The following CRTC1 variants were observed in gnomAD, a reference collection of about 807,000 sequenced individuals.
CRTC1 encodes CREB regulated transcription coactivator 1.
In CRTC1, 18 loss-of-function variants were observed where a neutral mutation model predicts 66.1. That is an observed-to-expected ratio of 0.27 (90% confidence interval 0.19 to 0.40). The LOEUF is 0.40. Among genes scored for constraint, CRTC1 ranks in the 10% least tolerant of loss-of-function variants. The pLI is 1.00. For missense variants in CRTC1, 669 were observed against 887.9 expected (o/e 0.75, Z 3.13); for synonymous variants, 416 against 398.8 (o/e 1.04, Z -0.51).
intron 6 of CRTC1, 59 bp from the exon 7 acceptor site, chr19:18,759,492 A>T: frequency 6.4e-7 from 1 of 1,571,042 alleles, no homozygotes; most frequent in Non-Finnish European, 8.7e-7. Flanking sequence ...CCCAGTGCCC[A>T]GGAGGAGGGC....
At chr19:18,689,323 G>A (rs1361401209) in intron 1 of CRTC1, among the ~76,000 whole-genome samples, 2 of 151,146 alleles carry the variant, frequency 1.3e-5, no homozygotes, top group East Asian at 2.0e-4. Flanking sequence ...ACAGTGAGGC[G>A]AATCCTGCAC....
At chr19:18,700,249 A>G (rs2145525988) in intron 1 of CRTC1, among the ~76,000 whole-genome samples, 1 of 152,268 alleles carries the variant, frequency 6.6e-6, no homozygotes, top group East Asian at 1.9e-4. Flanking sequence ...GGTGAGGCCC[A>G]GAGGGGCTGA....
intron 1 of CRTC1, among the ~76,000 whole-genome samples, chr19:18,698,015 C>A (rs2053034078): frequency 6.6e-6 from 1 of 151,454 alleles, no homozygotes; most frequent in Non-Finnish European, 1.5e-5. Context: ...AGCAGGCTTA[C>A]AGTGTGTGTT....
intron 3 of CRTC1, 116 bp downstream of exon 3, chr19:18,746,076 A>G: frequency 7.3e-7 from 1 of 1,377,970 alleles, no homozygotes; most frequent in Non-Finnish European, 9.8e-7. Flanking sequence ...TGGGGACAGA[A>G]TCAGGGCAGC....
intron 1 of CRTC1, among the ~76,000 whole-genome samples, chr19:18,696,998 G>C (rs2053005282): frequency 6.6e-6 from 1 of 152,042 alleles, no homozygotes; most frequent in South Asian, 2.1e-4. Context: ...CTTTATTTCT[G>C]GTTGGGGTAT....
intron 1 of CRTC1, among the ~76,000 whole-genome samples, chr19:18,719,075 C>T (rs2053567410): frequency 6.6e-6 from 1 of 152,092 alleles, no homozygotes; most frequent in Non-Finnish European, 1.5e-5. Flanking sequence ...AGGGGGCTGA[C>T]GATGGGCCCT....
intron 1 of CRTC1, among the ~76,000 whole-genome samples, chr19:18,720,364 T>C (rs2053597485): frequency 6.6e-6 from 1 of 151,256 alleles, no homozygotes; most frequent in South Asian, 2.1e-4. Flanking sequence ...TCTTTTTCTT[T>C]TTTTTGAGAC....
At chr19:18,728,363 T>C (rs974088172) in intron 1 of CRTC1, among the ~76,000 whole-genome samples, 11 of 152,136 alleles carry the variant, frequency 7.2e-5, no homozygotes, top group African/African-American at 2.4e-4. Context: ...CAGGATGCAT[T>C]GTGGGTAAGC....
intron 1 of CRTC1, among the ~76,000 whole-genome samples, chr19:18,720,155 G>GT (rs918223437): frequency 6.6e-6 from 1 of 152,080 alleles, no homozygotes; most frequent in African/African-American, 2.4e-5. Flanking sequence ...GAAAAAGTGA[G>GT]TTTTTTTGTT....
intron 1 of CRTC1, among the ~76,000 whole-genome samples, chr19:18,699,663 A>G (rs2053081787): frequency 6.6e-6 from 1 of 152,196 alleles, no homozygotes; most frequent in African/African-American, 2.4e-5. Flanking sequence ...CACCTGTGCC[A>G]GCTGGCCCTG....
chr19:18,710,697 C>T (rs563544199), intron 1 of CRTC1, among the ~76,000 whole-genome samples: 217 of 152,214 alleles, frequency 1.4e-3, no homozygotes, highest in Non-Finnish European at 2.5e-3. Flanking sequence ...CTGCAACCTC[C>T]GCCTCCTGGG....
At chr19:18,742,442 G>C (rs966502018) in intron 1 of CRTC1, among the ~76,000 whole-genome samples, 2 of 152,200 alleles carry the variant, frequency 1.3e-5, no homozygotes, top group Admixed American at 1.3e-4. Context: ...CAAGTCCCAC[G>C]CTTTGAAGGC....
At position 18,777,527 on chromosome 19, in the gene CRTC1, G is replaced by A. The variant is rs751992615; in HGVS notation, c.*145G>A. 1.2e-5 allele frequency: 9 copies of A among 755,288 alleles called. No homozygotes were observed. In the East Asian group the frequency reaches 1.3e-4, roughly 11 times the overall value. The allele number at this position is 755,288 out of a possible 1,614,324, so 46.8% of individuals were successfully genotyped here. On this transcript the variant is annotated 3_prime_UTR_variant, in exon 14 of 14. Coordinates refer to ENST00000321949, the MANE Select transcript of CRTC1 (RefSeq NM_015321.3). This position sits in a 1 kb window ranked among gnomAD's most constrained non-coding sequence, Gnocchi z 5.5. Reference sequence around the variant, plus strand: ...AAGCGCCCCCCGCCAGCCCGCCCCCGGTTGTCCACCTCCCGCGAAGCCCAA... The same window carrying A: ...AAGCGCCCCCCGCCAGCCCGCCCCCAGTTGTCCACCTCCCGCGAAGCCCAA...
At chr19:18,736,396 G>A (rs2053997644) in intron 1 of CRTC1, among the ~76,000 whole-genome samples, 2 of 150,852 alleles carry the variant, frequency 1.3e-5, no homozygotes, top group African/African-American at 2.5e-5. Context: ...GAAAGTGTTC[G>A]CTCCCCACCT....
At chr19:18,726,075 C>CA (rs1419880360) in intron 1 of CRTC1, among the ~76,000 whole-genome samples, 1 of 152,260 alleles carries the variant, frequency 6.6e-6, no homozygotes, top group Non-Finnish European at 1.5e-5. Context: ...GAACAGGCTC[C>CA]AGCTCCTTGT....
intron 1 of CRTC1, among the ~76,000 whole-genome samples, chr19:18,717,961 G>A (rs75134438): frequency 0.011 from 1,721 of 152,238 alleles, 35 homozygotes; most frequent in African/African-American, 0.039. Flanking sequence ...GGGCAGCCCC[G>A]TCACGGGGCT....
intron 11 of CRTC1, among the ~76,000 whole-genome samples, chr19:18,772,630 T>C (rs1437321225): frequency 6.6e-6 from 1 of 152,138 alleles, no homozygotes; most frequent in Non-Finnish European, 1.5e-5. Context: ...GTGAAGCCCC[T>C]CTGCCCCCAT....
chr19:18,729,090 G>A, intron 1 of CRTC1, among the ~76,000 whole-genome samples: 2 of 148,844 alleles, frequency 1.3e-5, no homozygotes. Flanking sequence ...TGGGATTACA[G>A]GCGTGAGCCA....
At chr19:18,750,606 T>C (rs1259756319) in intron 5 of CRTC1, among the ~76,000 whole-genome samples, 1 of 152,254 alleles carries the variant, frequency 6.6e-6, no homozygotes. Flanking sequence ...CCCAAGGCAC[T>C]GAAGCCAGGG....
Sources: gnomAD v4.1 joint callset for allele counts (sites outside exome capture counted in the v4.1 genomes callset) on GRCh38, gnomAD v4.1.1 for gene constraint, Gnocchi (gnomAD v3.1) non-coding constraint, MANE v1.5 for transcripts, NCBI Gene and HGNC (gene_info 2026-07-23, HGNC 2026-07-21) for gene names.